Variants in RGS6 observed in about 807,000 individuals in gnomAD.
RGS6 encodes regulator of G-protein signaling 6.
A neutral mutation model predicts 78.5 loss-of-function variants in RGS6; 30 were observed. The observed-to-expected ratio is 0.38, with a 90% CI of 0.29 to 0.52. The LOEUF is 0.52. RGS6 is among the 20% of genes least tolerant of loss of function. The probability of loss-of-function intolerance (pLI) is 0.85; values close to 1 mark genes in which losing one functional copy is unlikely to be tolerated. For synonymous variants in RGS6, 206 were observed against 206.0 expected (o/e 1.00, Z 0.00); for missense variants, 495 against 609.7 (o/e 0.81, Z 1.98).
At chr14:72,129,343 A>C (rs1401951412) in intron 2 of RGS6, among the ~76,000 whole-genome samples, 2 of 152,236 alleles carry the variant, frequency 1.3e-5, no homozygotes, top group Non-Finnish European at 2.9e-5. Flanking sequence ...GTACAGCCCA[A>C]AGTAAGGTTC....
chr14:72,235,748 A>G (rs1419776378), intron 2 of RGS6, among the ~76,000 whole-genome samples: 3 of 152,242 alleles, frequency 2.0e-5, no homozygotes, highest in African/African-American at 7.2e-5. Context: ...GTAGATGGAT[A>G]TATATGTATT....
chr14:71,901,054 C>G, the RGS6 span, among the ~76,000 whole-genome samples: 1 of 152,166 alleles, frequency 6.6e-6, no homozygotes, highest in Non-Finnish European at 1.5e-5. Context: ...AATCACCTTC[C>G]ACCAGGCTCC....
At chr14:72,046,089 C>T (rs182652877) in intron 2 of RGS6, among the ~76,000 whole-genome samples, 37 of 152,198 alleles carry the variant, frequency 2.4e-4, no homozygotes, top group African/African-American at 8.9e-4. Flanking sequence ...GTCATCCATC[C>T]TCCTGATGGA....
intron 2 of RGS6, among the ~76,000 whole-genome samples, chr14:72,262,383 T>C (rs1297120774): frequency 6.6e-6 from 1 of 152,238 alleles, no homozygotes; most frequent in African/African-American, 2.4e-5. Context: ...ACCTTCTCAC[T>C]GTGTCCTCAC....
chr14:72,416,524 G>A (rs2093821511), intron 3 of RGS6, among the ~76,000 whole-genome samples: 1 of 152,018 alleles, frequency 6.6e-6, no homozygotes, highest in South Asian at 2.1e-4. Flanking sequence ...AAACTATAAA[G>A]TGATTCCTCC....
At chr14:72,010,812 A>G (rs1417431127) in intron 2 of RGS6, among the ~76,000 whole-genome samples, 1 of 152,208 alleles carries the variant, frequency 6.6e-6, no homozygotes, top group Non-Finnish European at 1.5e-5. Context: ...AACCTGAAGG[A>G]ACGTGATGTT....
chr14:72,435,800 C>T lies in RGS6; in HGVS notation c.185-18728C>T, dbSNP rs1272705784. On this transcript the variant is annotated intron_variant, in intron 3 of 17. Coordinates refer to ENST00000553525, the MANE Select transcript of RGS6 (RefSeq NM_001204424.2). ...TGTTATCACATCTCCTCTCTCTGATCCTTCTACCTCTCTTTCATAAGAACC... is the reference window on the plus strand; with the variant it reads ...TGTTATCACATCTCCTCTCTCTGATTCTTCTACCTCTCTTTCATAAGAACC... Among the ~76,000 whole-genome samples the T allele has an allele frequency of 2.9e-5, 4 of 138,426 alleles. No individual in the cohort carries two copies. In the East Asian group the frequency reaches 1.0e-3, roughly 35 times the overall value. The allele number at this position is 138,426 out of a possible 152,430, so 90.8% of individuals were successfully genotyped here. A position where few individuals can be genotyped will look rare whatever the true frequency, so the allele number is the denominator to read the frequency against.
At chr14:72,198,802 G>A (rs753759501) in intron 2 of RGS6, among the ~76,000 whole-genome samples, 4 of 152,238 alleles carry the variant, frequency 2.6e-5, no homozygotes, top group Non-Finnish European at 4.4e-5. Context: ...AATGACCAGT[G>A]TGGTAGATAA....
chr14:72,009,945 T>C (rs1046925131), intron 2 of RGS6, among the ~76,000 whole-genome samples: 6 of 152,250 alleles, frequency 3.9e-5, no homozygotes, highest in South Asian at 2.1e-4. Flanking sequence ...CTTGGTATTA[T>C]GAAGCAGGCT....
At chr14:71,987,633 G>C (rs569006799) in intron 2 of RGS6, among the ~76,000 whole-genome samples, 1 of 151,830 alleles carries the variant, frequency 6.6e-6, no homozygotes, top group African/African-American at 2.4e-5. Context: ...TGATCCTCCC[G>C]TCTCAGCCTT....
intron 2 of RGS6, among the ~76,000 whole-genome samples, chr14:72,030,133 A>G (rs77960540): frequency 0.086 from 13,158 of 152,238 alleles, 620 homozygotes; most frequent in East Asian, 0.17. Context: ...AATTGTTAGG[A>G]TAACTCCTAA....
chr14:72,388,783 C>A (rs554985806), intron 3 of RGS6, among the ~76,000 whole-genome samples: 7 of 152,290 alleles, frequency 4.6e-5, no homozygotes, highest in African/African-American at 1.4e-4. Context: ...GGCCACTTCA[C>A]TTTACTTTAC....
At chr14:72,099,465 C>T (rs1380666846) in intron 2 of RGS6, among the ~76,000 whole-genome samples, 1 of 152,064 alleles carries the variant, frequency 6.6e-6, no homozygotes, top group African/African-American at 2.4e-5. Context: ...TGCCTAGAAG[C>T]AGCTTTAATA....
At chr14:72,200,466 C>G (rs2153735508) in intron 2 of RGS6, among the ~76,000 whole-genome samples, 1 of 152,288 alleles carries the variant, frequency 6.6e-6, no homozygotes, top group Non-Finnish European at 1.5e-5. Context: ...TTGCTTCTTC[C>G]AAGGGTGTTT....
chr14:72,113,638 GGCAGGGCTCT>G (rs1194446350), intron 2 of RGS6, among the ~76,000 whole-genome samples: 1 of 152,226 alleles, frequency 6.6e-6, no homozygotes, highest in Non-Finnish European at 1.5e-5. Flanking sequence ...TGTGTGGCTT[GGCAGGGCTCT>G]GCCAGACTGC....
intron 2 of RGS6, among the ~76,000 whole-genome samples, chr14:71,992,260 T>A (rs2094989759): frequency 6.6e-6 from 1 of 152,228 alleles, no homozygotes; most frequent in Non-Finnish European, 1.5e-5. Flanking sequence ...CTTGAACTCC[T>A]GACCTCAAAC....
intron 15 of RGS6, among the ~76,000 whole-genome samples, chr14:72,519,014 C>G (rs567241988): frequency 3.3e-5 from 5 of 152,198 alleles, no homozygotes; most frequent in Non-Finnish European, 5.9e-5. Flanking sequence ...CCAGGCTCTG[C>G]GCTATGTGAT....
In RGS6 at chr14:72,562,301, G is replaced by T. The variant is rs564925176; in HGVS notation, c.1423-116G>T. 29 of 953,538 alleles carry T rather than the reference G, an allele frequency of 3.0e-5. 1 individual carries two copies. In the South Asian group the frequency reaches 3.5e-4, roughly 12 times the overall value. The allele number at this position is 953,538 out of a possible 1,614,324, so 59.1% of individuals were successfully genotyped here. Reference sequence around the variant, plus strand: ...AAATATCAAGATGGTCAGTTGGGTTGGTTGGTCGTTTGGCCTACATGGCTC... The same window carrying T: ...AAATATCAAGATGGTCAGTTGGGTTTGTTGGTCGTTTGGCCTACATGGCTC... On this transcript the variant is annotated intron_variant, in intron 17 of 17. Transcript: ENST00000553525.
intron 3 of RGS6, among the ~76,000 whole-genome samples, chr14:72,443,260 C>T (rs905208019): frequency 6.6e-6 from 1 of 152,178 alleles, no homozygotes; most frequent in Admixed American, 6.5e-5. Flanking sequence ...TAGGGCTGGC[C>T]CCATTTTGCA....
Sources: gnomAD v4.1 joint callset for allele counts (sites outside exome capture counted in the v4.1 genomes callset) on GRCh38, gnomAD v4.1.1 for gene constraint, MANE v1.5 for transcripts, NCBI Gene and HGNC (gene_info 2026-07-23, HGNC 2026-07-21) for gene names.